The following AKAP6 variants were observed in gnomAD, a reference collection of about 807,000 sequenced individuals.
AKAP6 encodes A-kinase anchor protein 6.
In AKAP6, 58 loss-of-function variants were observed where a neutral mutation model predicts 188.5. That is an observed-to-expected ratio of 0.31 (90% CI 0.25 to 0.38). AKAP6 has a LOEUF of 0.38. Ranked by LOEUF, AKAP6 falls within the 10% of genes least tolerant of loss-of-function variation. The probability of loss-of-function intolerance (pLI) is 1.00; values close to 1 mark genes in which losing one functional copy is unlikely to be tolerated. For missense variants in AKAP6, 2,710 were observed against 2,740.0 expected (o/e 0.99, Z 0.24); for synonymous variants, 989 against 998.6 (o/e 0.99, Z 0.18).
At chr14:32,525,826 C>T (rs191740452) in intron 2 of AKAP6, among the ~76,000 whole-genome samples, 13 of 152,224 alleles carry the variant, frequency 8.5e-5, no homozygotes, top group African/African-American at 3.1e-4. Flanking sequence ...ACAAATAAGA[C>T]ACATTTCCTG....
intron 1 of AKAP6, among the ~76,000 whole-genome samples, chr14:32,388,336 G>T (rs191588080): frequency 4.5e-4 from 69 of 151,794 alleles, no homozygotes; most frequent in African/African-American, 8.4e-4. Context: ...TGTTGTTGTT[G>T]TTGTTTGTTT....
chr14:32,686,615 TAAAA>T (rs559234878), intron 8 of AKAP6, among the ~76,000 whole-genome samples: 226 of 151,872 alleles, frequency 1.5e-3, no homozygotes, highest in African/African-American at 4.6e-3. Flanking sequence ...TTAAAATAAA[TAAAA>T]AAAGTAGAAG....
intron 2 of AKAP6, among the ~76,000 whole-genome samples, chr14:32,463,136 C>A (rs1355514838): frequency 1.3e-5 from 2 of 151,896 alleles, no homozygotes; most frequent in African/African-American, 4.8e-5. Context: ...ACTTAGACTC[C>A]CACACAGTAA....
chr14:32,443,046 G>A (rs538839723), intron 2 of AKAP6, among the ~76,000 whole-genome samples: 1 of 151,784 alleles, frequency 6.6e-6, no homozygotes, highest in South Asian at 2.1e-4. Flanking sequence ...GCATGTGTTA[G>A]AGACCATGGT....
At chr14:32,577,828 T>C (rs796481460) in intron 5 of AKAP6, among the ~76,000 whole-genome samples, 92 of 152,230 alleles carry the variant, frequency 6.0e-4, no homozygotes, top group African/African-American at 2.2e-3. Context: ...TGCTTCTGAA[T>C]GTTAAAAGCA....
At chr14:32,595,092 G>A (rs991656629) in intron 5 of AKAP6, among the ~76,000 whole-genome samples, 30 of 151,958 alleles carry the variant, frequency 2.0e-4, no homozygotes, top group Admixed American at 7.2e-4. Flanking sequence ...ATATGAGCAC[G>A]CAGAAACATC....
intron 12 of AKAP6, among the ~76,000 whole-genome samples, chr14:32,792,227 A>C (rs1046478559): frequency 2.0e-5 from 3 of 152,178 alleles, no homozygotes; most frequent in Non-Finnish European, 4.4e-5. Context: ...GGCCATTTTC[A>C]TGATATTGAT....
chr14:32,439,106 G>T (rs1183268008), intron 2 of AKAP6: 1 of 152,170 alleles, frequency 6.6e-6, no homozygotes, highest in Non-Finnish European at 1.5e-5. Context: ...ATTGTGACAT[G>T]ACTCTCAAAG....
chr14:32,527,562 A>G (rs577376933), intron 2 of AKAP6, among the ~76,000 whole-genome samples: 12 of 152,358 alleles, frequency 7.9e-5, no homozygotes, highest in African/African-American at 2.6e-4. Context: ...ACAATGAATG[A>G]GAGTTCCTCT....
At chr14:32,695,785 A>C (rs1403804531) in intron 8 of AKAP6, among the ~76,000 whole-genome samples, 1 of 152,226 alleles carries the variant, frequency 6.6e-6, no homozygotes, top group Non-Finnish European at 1.5e-5. Context: ...GGAATTGCAT[A>C]TTACGTTTTC....
chr14:32,582,428 T>A (rs1885019772), intron 5 of AKAP6, among the ~76,000 whole-genome samples: 1 of 151,332 alleles, frequency 6.6e-6, no homozygotes, highest in African/African-American at 2.4e-5. Flanking sequence ...GCCCTTAACA[T>A]TTTTTCCTTC....
At chr14:32,630,154 A>G (rs1441156119) in intron 7 of AKAP6, among the ~76,000 whole-genome samples, 8 of 152,064 alleles carry the variant, frequency 5.3e-5, no homozygotes, top group Non-Finnish European at 8.8e-5. Context: ...AGTTGTCACA[A>G]TTTAACACGT....
chr14:32,387,963 A>G (rs1281238130), intron 1 of AKAP6, among the ~76,000 whole-genome samples: 1 of 152,032 alleles, frequency 6.6e-6, no homozygotes, highest in African/African-American at 2.4e-5. Context: ...TTCTGCTGTG[A>G]ATCCATCTGG....
chr14:32,458,060 T>A (rs992781573), intron 2 of AKAP6, among the ~76,000 whole-genome samples: 1 of 152,218 alleles, frequency 6.6e-6, no homozygotes, highest in Non-Finnish European at 1.5e-5. Context: ...GGCAAATACA[T>A]ATAAGTATAT....
chr14:32,755,895 C>G (rs926332678), intron 11 of AKAP6, among the ~76,000 whole-genome samples: 7 of 152,246 alleles, frequency 4.6e-5, no homozygotes, highest in Non-Finnish European at 1.0e-4. Flanking sequence ...TCATGTTTCT[C>G]TGATTATTTG....
intron 7 of AKAP6, 86 bp from the exon 8 acceptor site, chr14:32,678,225 A>T (rs1441300495): frequency 2.8e-6 from 4 of 1,412,420 alleles, no homozygotes; most frequent in Middle Eastern, 2.0e-4. Flanking sequence ...GATGTGAAGA[A>T]TTCCCATTCT....
intron 5 of AKAP6, among the ~76,000 whole-genome samples, chr14:32,589,749 T>TG (rs1885405329): frequency 6.6e-6 from 1 of 152,202 alleles, no homozygotes; most frequent in Non-Finnish European, 1.5e-5. Flanking sequence ...ATAATGATTG[T>TG]TTTTAATTAG....
intron 8 of AKAP6, among the ~76,000 whole-genome samples, chr14:32,685,724 CAAAAAAAAA>C (rs71115091): frequency 1.2e-5 from 1 of 86,234 alleles, no homozygotes; most frequent in African/African-American, 4.2e-5. Context: ...GACTCCATCT[CAAAAAAAAA>C]AAAAAAAAAA....
chr14:32,788,109 T>C (rs964312918), intron 12 of AKAP6, among the ~76,000 whole-genome samples: 1 of 151,458 alleles, frequency 6.6e-6, no homozygotes, highest in Non-Finnish European at 1.5e-5. Flanking sequence ...ATGAAGGGCT[T>C]GGTATTAAAT....
Sources: gnomAD v4.1 joint callset for allele counts (sites outside exome capture counted in the v4.1 genomes callset) on GRCh38, gnomAD v4.1.1 for gene constraint, MANE v1.5 for transcripts, NCBI Gene and HGNC (gene_info 2026-07-23, HGNC 2026-07-21) for gene names.